KLHL2: variants seen among roughly 807,000 people sequenced by gnomAD.
KLHL2 encodes kelch-like protein 2.
A neutral mutation model predicts 75.8 loss-of-function variants in KLHL2; 15 were observed. The observed-to-expected ratio is 0.20, with a 90% confidence interval of 0.13 to 0.30. The LOEUF is 0.30. Among genes scored for constraint, KLHL2 ranks in the 10% least tolerant of loss-of-function variants. KLHL2 has a pLI of 1.00. For synonymous variants in KLHL2, 214 were observed against 251.9 expected (o/e 0.85, Z 1.42); for missense variants, 381 against 741.0 (o/e 0.51, Z 5.64).
chr4:165,284,007 G>T (rs1159256447), intron 5 of KLHL2, among the ~76,000 whole-genome samples: 1 of 152,178 alleles, frequency 6.6e-6, no homozygotes, highest in Non-Finnish European at 1.5e-5. Context: ...GGCTGGAGTG[G>T]CTGGGACACA....
chr4:165,226,724 CA>C (rs1403451424), intron 2 of KLHL2, among the ~76,000 whole-genome samples: 1 of 151,874 alleles, frequency 6.6e-6, no homozygotes, highest in African/African-American at 2.4e-5. Flanking sequence ...TATATTATGT[CA>C]AAAAATAAAT....
intron 5 of KLHL2, among the ~76,000 whole-genome samples, chr4:165,271,657 G>A (rs756119418): frequency 1.4e-4 from 22 of 152,118 alleles, no homozygotes; most frequent in Non-Finnish European, 2.8e-4. Flanking sequence ...TCTTTTGCCT[G>A]ATTACTCTGT....
chr4:165,211,456 G>T (rs1265994963), intron 1 of KLHL2, among the ~76,000 whole-genome samples: 1 of 152,202 alleles, frequency 6.6e-6, no homozygotes, highest in Non-Finnish European at 1.5e-5. Flanking sequence ...CGCTGGACCG[G>T]ATGACCTTTA....
intron 5 of KLHL2, among the ~76,000 whole-genome samples, chr4:165,284,847 CATG>C (rs1316128181): frequency 1.3e-5 from 2 of 152,322 alleles, no homozygotes; most frequent in African/African-American, 4.8e-5. Flanking sequence ...GCCTCACAAT[CATG>C]GTGGAATGTA....
chr4:165,243,160 G>A (rs998142278), intron 4 of KLHL2, among the ~76,000 whole-genome samples: 32 of 152,274 alleles, frequency 2.1e-4, no homozygotes, highest in Admixed American at 1.4e-3. Flanking sequence ...GTCATTAGAT[G>A]TGTTAATTAA....
At chr4:165,210,761 A>G (rs1737148413) in intron 1 of KLHL2, among the ~76,000 whole-genome samples, 1 of 152,200 alleles carries the variant, frequency 6.6e-6, no homozygotes, top group African/African-American at 2.4e-5. Flanking sequence ...TGACCTCAGG[A>G]ATGTATTTTA....
intron 5 of KLHL2, among the ~76,000 whole-genome samples, chr4:165,284,779 C>T (rs1185698215): frequency 1.3e-5 from 2 of 152,164 alleles, no homozygotes; most frequent in African/African-American, 4.8e-5. Context: ...ATATCTGAGA[C>T]TCGGCAATTT....
At chr4:165,264,676 ATATGTATG>A (rs1196561895) in intron 5 of KLHL2, among the ~76,000 whole-genome samples, 1 of 79,022 alleles carries the variant, frequency 1.3e-5, no homozygotes, top group African/African-American at 3.9e-5. Context: ...CTACATACGT[ATATGTATG>A]TGTGTGTGTG....
chr4:165,218,566 C>T (rs571610300), intron 1 of KLHL2, among the ~76,000 whole-genome samples: 2 of 152,258 alleles, frequency 1.3e-5, no homozygotes, highest in East Asian at 3.9e-4. Context: ...ACTTCCATAA[C>T]ACCATTTCCC....
intron 4 of KLHL2, among the ~76,000 whole-genome samples, chr4:165,245,885 C>G (rs1457519955): frequency 6.6e-6 from 1 of 151,930 alleles, no homozygotes; most frequent in Non-Finnish European, 1.5e-5. Flanking sequence ...CAGTATTGAT[C>G]CTGATGAATT....
intron 14 of KLHL2, among the ~76,000 whole-genome samples, chr4:165,320,102 G>T (rs1360249574): frequency 6.6e-6 from 1 of 152,008 alleles, no homozygotes; most frequent in Non-Finnish European, 1.5e-5. Context: ...GAAGAAAGTT[G>T]TTGAGGAGAA....
intron 13 of KLHL2, among the ~76,000 whole-genome samples, chr4:165,314,655 A>G (rs570552880): frequency 7.9e-4 from 120 of 152,202 alleles, no homozygotes; most frequent in Non-Finnish European, 1.3e-3. Context: ...AGCTTAATAC[A>G]GTTCAGGATT....
intron 5 of KLHL2, chr4:165,278,978 A>G: frequency 1.3e-6 from 2 of 1,495,850 alleles, no homozygotes; most frequent in African/African-American, 1.4e-5. Context: ...TGGAATTCCA[A>G]AAAATTCACA....
intron 5 of KLHL2, among the ~76,000 whole-genome samples, chr4:165,289,175 A>G (rs949445459): frequency 1.3e-5 from 2 of 152,158 alleles, no homozygotes; most frequent in African/African-American, 4.8e-5. Flanking sequence ...AATACTGTAG[A>G]ACACTTGAAG....
At chr4:165,281,088 C>T (rs1165923962) in intron 5 of KLHL2, among the ~76,000 whole-genome samples, 1 of 152,262 alleles carries the variant, frequency 6.6e-6, no homozygotes, top group East Asian at 1.9e-4. Context: ...CCTCACTATT[C>T]AAATGGGACT....
rs1204048489 is a variant in KLHL2, at chr4:165,322,933, T to C, written c.*873T>C. On this transcript the variant is annotated 3_prime_UTR_variant, in exon 15 of 15. Transcript: ENST00000226725. ...CATTACTGCAGGTTTTTGATGAATATAATGAATGTATGGAATTCAATTGAA... is the reference window on the plus strand; with the variant it reads ...CATTACTGCAGGTTTTTGATGAATACAATGAATGTATGGAATTCAATTGAA... 6.6e-6 allele frequency: 1 copy of C among 152,630 alleles called. No individual in the cohort carries two copies. The highest frequency in any genetic ancestry group is 2.4e-5 in the African/African-American group (1 of 41,456). The allele number at this position is 152,630 out of a possible 1,614,324, so 9.5% of individuals were successfully genotyped here.
At chr4:165,306,952 T>G (rs1745772922) in intron 9 of KLHL2, among the ~76,000 whole-genome samples, 3 of 152,206 alleles carry the variant, frequency 2.0e-5, no homozygotes, top group Admixed American at 1.3e-4. Flanking sequence ...TAGAAAGCCA[T>G]ATGCCAAAGT....
At chr4:165,297,844 C>A in intron 7 of KLHL2, 119 bp downstream of exon 7, 1 of 736,440 alleles carries the variant, frequency 1.4e-6, no homozygotes, top group Non-Finnish European at 2.5e-6. Flanking sequence ...GAGTACAGGA[C>A]AGAAGACAGT....
At chr4:165,304,356 C>G (rs1165758160) in intron 8 of KLHL2, among the ~76,000 whole-genome samples, 1 of 152,162 alleles carries the variant, frequency 6.6e-6, no homozygotes, top group African/African-American at 2.4e-5. Context: ...ACCCATCTTT[C>G]TTTAATTCTA....
Sources: allele counts gnomAD v4.1 joint callset (sites outside exome capture counted in the v4.1 genomes callset), GRCh38; gene constraint gnomAD v4.1.1; transcripts MANE v1.5; gene names NCBI Gene and HGNC (gene_info 2026-07-23, HGNC 2026-07-21).